ANKS3: variants seen among roughly 807,000 people sequenced by gnomAD.
ANKS3 encodes ankyrin repeat and sterile alpha motif domain containing 3.
Under a neutral mutation model 80.7 loss-of-function variants are expected in ANKS3, and 62 were observed. That is an observed-to-expected ratio of 0.77 (90% CI 0.63 to 0.95). ANKS3 has a LOEUF of 0.95. Ranked by LOEUF, ANKS3 falls within the 40% of genes least tolerant of loss-of-function variation. The pLI is 0.00. For synonymous variants in ANKS3, 489 were observed against 355.3 expected (o/e 1.38, Z -4.23); for missense variants, 1,150 against 883.6 (o/e 1.30, Z -3.82).
intron 1 of ANKS3, among the ~76,000 whole-genome samples, chr16:4,732,266 T>C (rs1165763248): frequency 6.6e-6 from 1 of 152,098 alleles, no homozygotes; most frequent in Non-Finnish European, 1.5e-5. Context: ...CAACGAAGCC[T>C]GGATAAGAAA....
In ANKS3 at chr16:4,726,433, G is replaced by A. The variant is rs77976717; in HGVS notation, c.491+226C>T. On this transcript the variant is annotated intron_variant, in intron 5 of 17. Transcript: ENST00000304283. ...ATTCTTACAACTGTATGACCCAGGT[G>A]GGTTTCAGATAAAGAAAAGGAAGCT... Among the ~76,000 whole-genome samples, 93 of 152,340 alleles carry A rather than the reference G, an allele frequency of 6.1e-4. 1 individual carries two copies. In the East Asian group the frequency reaches 0.017, roughly 28 times the overall value.
intron 15 of ANKS3, 24 bp downstream of exon 15, chr16:4,697,953 G>A (rs751546588): frequency 6.5e-7 from 1 of 1,549,126 alleles, no homozygotes; most frequent in South Asian, 1.3e-5. Context: ...TCTGCCCAGT[G>A]CGGAGTCAGG....
rs755252565 is a variant in ANKS3, at chr16:4,698,806, C to T, written c.1545G>A (p.Leu515=). The T allele has an allele frequency of 1.9e-6, 3 of 1,605,610 alleles. No individual in the cohort carries two copies. The highest frequency in any genetic ancestry group is 2.6e-6 in the Non-Finnish European group (3 of 1,176,200). ...EAEMQELAIQ[L]HKRCEEVEAT... is the part of the protein sequence containing the mutation. ...CCCCCACCCAGCCACTCACCTTGTG[C>T]AGCTGGATGGCGAGCTCCTGCATCT... is the stretch of plus-strand genomic sequence containing the variant. Residue 515 remains leucine, a synonymous_variant, in exon 13 of 18, where the codon CTG becomes CTA. Coordinates refer to ENST00000304283, the MANE Select transcript of ANKS3 (RefSeq NM_133450.4).
intron 13 of ANKS3, 28 bp downstream of exon 13, chr16:4,698,772 C>A (rs1228589237): frequency 6.4e-7 from 1 of 1,571,182 alleles, no homozygotes; most frequent in South Asian, 1.2e-5. Context: ...TGTCACCCTG[C>A]CCCCCCATCC....
At chr16:4,713,799 G>A (rs183084433) in intron 7 of ANKS3, among the ~76,000 whole-genome samples, 1 of 152,300 alleles carries the variant, frequency 6.6e-6, no homozygotes, top group East Asian at 1.9e-4. Flanking sequence ...GCCCCTACTC[G>A]GTAGTCAAGC....
At position 4,698,848 on chromosome 16, in the gene ANKS3, G is replaced by C; in HGVS notation, c.1503C>G (p.Ala501=). Residue 501 remains alanine (A), a synonymous_variant, in exon 13 of 18, where the codon GCC becomes GCG. Coordinates refer to ENST00000304283, the MANE Select transcript of ANKS3 (RefSeq NM_133450.4). The part of the protein sequence containing the change: ...PPGDALELAY[A]DRLEAEMQEL... ...CCTGCATCTCAGCCTCCAGCCGGTC[G>C]GCGTAGGCCAGCTCCAGGGCATCCC... The C allele has an allele frequency of 6.2e-7, 1 of 1,606,310 alleles. No individual in the cohort carries two copies. Among genetic ancestry groups the C allele is most frequent in the South Asian group, 1.1e-5 (1 of 90,038 alleles).
At chr16:4,712,276 CAGA>C (rs2080534698) in intron 7 of ANKS3, among the ~76,000 whole-genome samples, 1 of 151,894 alleles carries the variant, frequency 6.6e-6, no homozygotes, top group Non-Finnish European at 1.5e-5. Flanking sequence ...GAGGCTGAGG[CAGA>C]AGAATTGCTT....
At chr16:4,700,941 G>A in intron 11 of ANKS3, 29 bp downstream of exon 11, 5 of 1,613,346 alleles carry the variant, frequency 3.1e-6, no homozygotes, top group Non-Finnish European at 2.5e-6. Flanking sequence ...GTCTCTGAGT[G>A]TAACCTCCAG....
chr16:4,726,808 C>T (rs200092851), intron 4 of ANKS3, 28 bp from the exon 5 acceptor site: 533 of 1,607,674 alleles, frequency 3.3e-4, no homozygotes, highest in Non-Finnish European at 4.2e-4. Context: ...ACGTGCGTTA[C>T]GGCCTCATCT....
rs757943808 is a variant in ANKS3 at position 4,730,006 on chromosome 16, A to G, written c.144T>C (p.Tyr48=). Residue 48 remains tyrosine (Y), a synonymous_variant, in exon 3 of 18, where the codon TAT becomes TAC. Coordinates refer to ENST00000304283, the MANE Select transcript of ANKS3 (RefSeq NM_133450.4). ...DLHTAASIGQ[Y]EVVKECVQRR... is the part of the protein sequence containing the mutation. ...GCTGCACACACTCCTTCACCACTTC[A>G]TACTGGCCAATGGAAGCAGCTGTGT... 5.1e-6 allele frequency: 8 copies of G among 1,557,242 alleles called. No homozygotes were observed. The Admixed American group carries it at 1.3e-4, about 25-fold the overall frequency.
At chr16:4,708,725 G>C (rs929183489) in intron 7 of ANKS3, among the ~76,000 whole-genome samples, 1 of 152,046 alleles carries the variant, frequency 6.6e-6, no homozygotes, top group Non-Finnish European at 1.5e-5. Flanking sequence ...ACGAGGTGAG[G>C]AGATCGAGAC....
At chr16:4,725,089 A>C (rs369190848) in intron 5 of ANKS3, 58 of 338,920 alleles carry the variant, frequency 1.7e-4, no homozygotes, top group Non-Finnish European at 2.6e-4. Context: ...CCTGTTGGCT[A>C]TTCCCACTGG....
intron 7 of ANKS3, among the ~76,000 whole-genome samples, chr16:4,710,614 T>C (rs1274662343): frequency 2.0e-5 from 3 of 151,888 alleles, no homozygotes; most frequent in Admixed American, 1.3e-4. Context: ...AGAGCTGAGG[T>C]AGAAGGATCG....
At chr16:4,704,370 G>A (rs1349286533) in intron 8 of ANKS3, among the ~76,000 whole-genome samples, 1 of 152,192 alleles carries the variant, frequency 6.6e-6, no homozygotes, top group Non-Finnish European at 1.5e-5. Flanking sequence ...CCAGGCCTGT[G>A]AGACCAGCAG....
At chr16:4,729,707 T>C in intron 3 of ANKS3, 1 of 263,064 alleles carries the variant, frequency 3.8e-6, no homozygotes, top group Non-Finnish European at 7.1e-6. Context: ...TTTGGGCATT[T>C]CTGCAATTAG....
chr16:4,722,712 G>A (rs1484986682), intron 6 of ANKS3, among the ~76,000 whole-genome samples: 2 of 152,064 alleles, frequency 1.3e-5, no homozygotes, highest in African/African-American at 2.4e-5. Context: ...GAGTTCAGGA[G>A]TTCAAGAGCA....
chr16:4,696,701 C>G lies in ANKS3; in HGVS notation c.*207G>C. On this transcript the variant is annotated 3_prime_UTR_variant, in exon 18 of 18. Transcript: ENST00000304283. ...ACCACGAGGTTCTGGGTGAGGCCCT[C>G]GTCCCGCCTCAGTGCTGGCCCGAGC... 2.4e-6 allele frequency: 1 copy of G among 424,698 alleles called. No homozygotes were observed. The highest frequency in any genetic ancestry group is 4.4e-6 in the Non-Finnish European group (1 of 228,134). 26.3% of individuals were successfully genotyped at this position (424,698 alleles called of 1,614,324 possible).
At chr16:4,709,779 G>A (rs997108771) in intron 7 of ANKS3, among the ~76,000 whole-genome samples, 6 of 152,212 alleles carry the variant, frequency 3.9e-5, no homozygotes, top group Non-Finnish European at 5.9e-5. Flanking sequence ...GGGAGGCCAA[G>A]GCGAGAGGAT....
chr16:4,721,101 C>G (rs888473572), intron 6 of ANKS3, among the ~76,000 whole-genome samples: 4 of 147,480 alleles, frequency 2.7e-5, no homozygotes, highest in African/African-American at 5.0e-5. Flanking sequence ...GTCAGGAGAT[C>G]GAGACCATCC....
Sources: gnomAD v4.1 joint callset for allele counts (sites outside exome capture counted in the v4.1 genomes callset) on GRCh38, gnomAD v4.1.1 for gene constraint, MANE v1.5 for transcripts, NCBI Gene and HGNC (gene_info 2026-07-23, HGNC 2026-07-21) for gene names.